The following GAPVD1 variants were observed in gnomAD, a reference collection of about 807,000 sequenced individuals.
GAPVD1 encodes the protein GTPase-activating protein and VPS9 domain-containing protein 1.
Under a neutral mutation model 155.5 loss-of-function variants are expected in GAPVD1, and 35 were observed. The ratio of observed to expected loss-of-function variants is 0.23; its 90% CI spans 0.17 to 0.30. The LOEUF is 0.30. GAPVD1 is among the 10% of genes least tolerant of loss of function. The pLI is 1.00. For missense variants in GAPVD1, 1,429 were observed against 1,775.7 expected (o/e 0.80, Z 3.51); for synonymous variants, 636 against 619.7 (o/e 1.03, Z -0.39).
chr9:125,288,116 T>A (rs1457236406), intron 2 of GAPVD1, among the ~76,000 whole-genome samples: 1 of 149,884 alleles, frequency 6.7e-6, no homozygotes, highest in Non-Finnish European at 1.5e-5. Context: ...TAGTTAATTT[T>A]TTTTTTTTTT....
At chr9:125,335,525 A>G (rs1289191545) in intron 15 of GAPVD1, among the ~76,000 whole-genome samples, 1 of 152,160 alleles carries the variant, frequency 6.6e-6, no homozygotes, top group Admixed American at 6.5e-5. Flanking sequence ...AAAATACAAA[A>G]AATTAGCTGG....
Position 125,326,444 on chromosome 9 carries a change from G to A in GAPVD1, c.1887G>A (p.Lys629=). The A allele has an allele frequency of 6.2e-7, 1 of 1,613,034 alleles. No homozygotes were observed. The highest frequency in any genetic ancestry group is 8.5e-7 in the Non-Finnish European group (1 of 1,178,998). ...CAACACAGGATAACCTTGATGATAA[G>A]CTAAGGAAGTTTGAAATTCGTGACA... is the stretch of plus-strand genomic sequence containing the variant. ...QATTQDNLDD[K]LRKFEIRDMM... Residue 629 remains lysine (K), a synonymous_variant, in exon 12 of 28, where the codon AAG becomes AAA. Coordinates refer to ENST00000297933, the MANE Select transcript of GAPVD1 (RefSeq NM_001282680.3).
At position 125,349,511 on chromosome 9, in the gene GAPVD1, C is replaced by G. The variant is rs775568659; in HGVS notation, c.3291C>G (p.Phe1097Leu). 1 of 1,613,916 alleles carries G rather than the reference C, an allele frequency of 6.2e-7. No homozygotes were observed. The highest frequency in any genetic ancestry group is 1.1e-5 in the South Asian group (1 of 91,074). Reference protein sequence around the residue: ...SQAAHPQDSAFSYRDAKKKLR... With the variant: ...SQAAHPQDSALSYRDAKKKLR... ...CAGCCCACCCGCAGGATTCAGCTTT[C>G]TCTTACAGGTATTTCTTTTATAGGA... The change falls in exon 21 of 28, where the codon TTC becomes TTG. Residue 1097 changes from phenylalanine (F) to leucine (L), a missense_variant. This residue lies in a region of GAPVD1 where 699 missense variants were observed against 826.0 expected (regional missense o/e 0.85). Transcript: ENST00000297933.
intron 2 of GAPVD1, among the ~76,000 whole-genome samples, chr9:125,285,755 C>T (rs1199926136): frequency 1.3e-5 from 2 of 151,938 alleles, no homozygotes; most frequent in East Asian, 3.9e-4. Context: ...GCCACTGCAC[C>T]TGGCCCATCT....
intron 23 of GAPVD1, among the ~76,000 whole-genome samples, chr9:125,352,864 T>TA (rs1444315672): frequency 2.0e-5 from 3 of 152,262 alleles, no homozygotes; most frequent in African/African-American, 7.2e-5. Flanking sequence ...CCTAGCACTT[T>TA]GGGAGGCCAA....
rs571499255 is a variant in GAPVD1 at position 125,287,224 on chromosome 9, A to G, written c.-149-8234A>G. ...ATGAGAGGGGGCCAGATATAAATATAGAAACATGACGATGAACTCAAAGTA... is the reference window on the plus strand; with the variant it reads ...ATGAGAGGGGGCCAGATATAAATATGGAAACATGACGATGAACTCAAAGTA... On this transcript the variant is annotated intron_variant, in intron 2 of 27. Coordinates refer to ENST00000297933, the MANE Select transcript of GAPVD1 (RefSeq NM_001282680.3). Among the ~76,000 whole-genome samples the G allele has an allele frequency of 1.7e-4, 26 of 152,244 alleles. No homozygotes were observed. The East Asian group carries it at 5.0e-3, about 29-fold the overall frequency.
At chr9:125,322,309 C>T (rs1391766910) in intron 10 of GAPVD1, among the ~76,000 whole-genome samples, 2 of 152,128 alleles carry the variant, frequency 1.3e-5, no homozygotes, top group African/African-American at 4.8e-5. Context: ...CGTGATCCGC[C>T]CACCTCAGCC....
In GAPVD1 at chr9:125,300,039, ATATATATATATATATATATATAT is replaced by A. The variant is rs1262320199; in HGVS notation, c.185+934_185+956del. On this transcript the variant is annotated intron_variant, in intron 4 of 27. Coordinates refer to ENST00000297933, the MANE Select transcript of GAPVD1 (RefSeq NM_001282680.3). ...GTCTCAAAAGAAAAAAAAAAAAAAAATATATATATATATATATATATATATATATATATATATATATATATATA... is the reference window on the plus strand; with the variant it reads ...GTCTCAAAAGAAAAAAAAAAAAAAAAATATATATATATATATATATATATA... Among the ~76,000 whole-genome samples, 18 of 15,132 alleles carry A rather than the reference ATATATATATATATATATATATAT, an allele frequency of 1.2e-3. 5 individuals are homozygous for A. Among genetic ancestry groups the A allele is most frequent in the East Asian group, 2.0e-3 (1 of 512 alleles). 9.9% of individuals were successfully genotyped at this position (15,132 alleles called of 152,430 possible). A position where few individuals can be genotyped will look rare whatever the true frequency, so the allele number is the denominator to read the frequency against.
intron 2 of GAPVD1, among the ~76,000 whole-genome samples, chr9:125,293,868 A>ATT (rs1437472068): frequency 5.2e-4 from 10 of 19,332 alleles, no homozygotes; most frequent in African/African-American, 5.1e-3. Context: ...ATATATATAT[A>ATT]TATATATATA....
At chr9:125,265,535 C>G (rs1292216809) in intron 1 of GAPVD1, among the ~76,000 whole-genome samples, 1 of 151,286 alleles carries the variant, frequency 6.6e-6, no homozygotes, top group Non-Finnish European at 1.5e-5. Context: ...CTCAGTCTCC[C>G]TCCTGGGCTG....
chr9:125,309,177 C>T (rs1303601789), intron 8 of GAPVD1: 3 of 152,130 alleles, frequency 2.0e-5, no homozygotes, highest in Non-Finnish European at 4.4e-5. Flanking sequence ...TAAAATTAAT[C>T]TACCTTATAT....
Position 125,366,547 on chromosome 9 carries a change from C to T in GAPVD1, c.*3801C>T, listed in dbSNP as rs1043162670. ...CTTTAAAGAAAAGGCTGTTGTCTCTCTTTTTAAATATTTAAGTCTAGTGAG... is the reference window on the plus strand; with the variant it reads ...CTTTAAAGAAAAGGCTGTTGTCTCTTTTTTTAAATATTTAAGTCTAGTGAG... On this transcript the variant is annotated 3_prime_UTR_variant, in exon 28 of 28. Coordinates refer to ENST00000297933, the MANE Select transcript of GAPVD1 (RefSeq NM_001282680.3). 6.6e-6 allele frequency: 1 copy of T among 152,074 alleles called. No individual in the cohort carries two copies. Among genetic ancestry groups the T allele is most frequent in the Non-Finnish European group, 1.5e-5 (1 of 68,026 alleles). 9.4% of individuals were successfully genotyped at this position (152,074 alleles called of 1,614,324 possible). A position where few individuals can be genotyped will look rare whatever the true frequency, so the allele number is the denominator to read the frequency against.
intron 5 of GAPVD1, chr9:125,303,772 G>A (rs1472581177): frequency 2.8e-4 from 26 of 92,352 alleles, no homozygotes; most frequent in African/African-American, 1.4e-3. Context: ...GCGAAACTCC[G>A]TCTCAAAAAA....
chr9:125,349,303 A>T, intron 20 of GAPVD1, 87 bp from the exon 21 acceptor site: 1 of 1,105,388 alleles, frequency 9.0e-7, no homozygotes, highest in Non-Finnish European at 1.3e-6. Flanking sequence ...ATGGTAATTT[A>T]TTCTTGAGTT....
intron 2 of GAPVD1, among the ~76,000 whole-genome samples, chr9:125,290,273 G>A (rs182422481): frequency 4.9e-4 from 75 of 152,184 alleles, no homozygotes; most frequent in African/African-American, 1.7e-3. Flanking sequence ...AAAAATGACA[G>A]CAAGTCTATA....
intron 2 of GAPVD1, among the ~76,000 whole-genome samples, chr9:125,294,558 G>A (rs1024148981): frequency 2.0e-5 from 3 of 150,956 alleles, no homozygotes; most frequent in Admixed American, 6.6e-5. Flanking sequence ...ATGTTGGTCA[G>A]GCTGGTCTCA....
intron 2 of GAPVD1, among the ~76,000 whole-genome samples, chr9:125,275,623 C>T (rs1413903191): frequency 1.3e-5 from 2 of 151,998 alleles, no homozygotes; most frequent in African/African-American, 2.4e-5. Context: ...GTGGCACATA[C>T]GTGTAGTCCC....
chr9:125,296,653 C>CTTTTTTTT (rs34723392), intron 3 of GAPVD1, among the ~76,000 whole-genome samples: 1 of 125,328 alleles, frequency 8.0e-6, no homozygotes. Flanking sequence ...TGTGCCTGGC[C>CTTTTTTTT]TTTTTTTTTT....
chr9:125,321,715 G>T (rs1844356927), intron 10 of GAPVD1, among the ~76,000 whole-genome samples, 153 bp downstream of exon 10: 1 of 152,202 alleles, frequency 6.6e-6, no homozygotes, highest in African/African-American at 2.4e-5. Context: ...ACAGTTGGCT[G>T]TAAAGATTGT....
Sources: allele counts gnomAD v4.1 joint callset (sites outside exome capture counted in the v4.1 genomes callset), GRCh38; gene constraint gnomAD v4.1.1; regional missense constraint gnomAD v4.1.1; transcripts MANE v1.5; gene names NCBI Gene and HGNC (gene_info 2026-07-23, HGNC 2026-07-21).